The following IL18R1 variants were observed in gnomAD, a reference collection of about 807,000 sequenced individuals.
IL18R1 encodes interleukin-18 receptor 1.
IL18R1 carries 40 observed loss-of-function variants against 48.5 expected under a neutral mutation model. That is an observed-to-expected ratio of 0.82 (90% CI 0.64 to 1.07). The LOEUF is 1.07. Among genes scored for constraint, IL18R1 ranks in the 50% least tolerant of loss-of-function variants. The pLI, the probability that IL18R1 is intolerant of heterozygous loss-of-function variation, is 0.00. For missense variants in IL18R1, 596 were observed against 633.7 expected (o/e 0.94, Z 0.64); for synonymous variants, 232 against 225.9 (o/e 1.03, Z -0.24).
At chr2:102,384,776 C>A in intron 6 of IL18R1, 102 bp from the exon 7 acceptor site, 1 of 1,290,358 alleles carries the variant, frequency 7.7e-7, no homozygotes, top group South Asian at 1.4e-5. Context: ...GGATGGAGCA[C>A]CACGTTTTGC....
chr2:102,368,909 C>T (rs532993232), intron 3 of IL18R1, among the ~76,000 whole-genome samples: 2 of 152,214 alleles, frequency 1.3e-5, no homozygotes, highest in East Asian at 3.9e-4. Context: ...CATTATCAAC[C>T]ATGCTGTTGA....
chr2:102,381,955 A>ACT (rs1286794585), intron 6 of IL18R1, among the ~76,000 whole-genome samples: 4 of 151,752 alleles, frequency 2.6e-5, no homozygotes, highest in African/African-American at 9.7e-5. Flanking sequence ...CTTGTCTTTA[A>ACT]CTCTCTCTAT....
rs1422432936 is a variant in IL18R1 at position 102,397,775 on chromosome 2, T to C, written c.*889T>C. The C allele has an allele frequency of 1.3e-5, 2 of 152,350 alleles. No homozygotes were observed. Among genetic ancestry groups the C allele is most frequent in the African/African-American group, 4.8e-5 (2 of 41,454 alleles). 9.4% of individuals were successfully genotyped at this position (152,350 alleles called of 1,614,324 possible). On this transcript the variant is annotated 3_prime_UTR_variant, in exon 11 of 11. Coordinates refer to ENST00000233957, the MANE Select transcript of IL18R1 (RefSeq NM_003855.5). ...GCCCTTGGCATAAGGCAGCATGGTG[T>C]GGCAGTTAAGAGATGGGCTGTGCAG...
chr2:102,377,231 G>A (rs1036728680), intron 5 of IL18R1, among the ~76,000 whole-genome samples: 1 of 152,236 alleles, frequency 6.6e-6, no homozygotes, highest in African/African-American at 2.4e-5. Context: ...CCCAAGTTTA[G>A]TGTCTTCGGT....
chr2:102,365,894 G>A (rs187613652), intron 2 of IL18R1, among the ~76,000 whole-genome samples: 2 of 152,268 alleles, frequency 1.3e-5, no homozygotes, highest in East Asian at 3.9e-4. Flanking sequence ...ATGGCTGGAG[G>A]GGTAGGATGC....
At chr2:102,362,774 CA>C in intron 2 of IL18R1, 56 bp downstream of exon 2, 1 of 1,144,968 alleles carries the variant, frequency 8.7e-7, no homozygotes, top group Admixed American at 2.4e-5. Context: ...GGAAGAATGT[CA>C]AAGTTTTTTT....
At chr2:102,368,807 A>G (rs541330402) in intron 3 of IL18R1, among the ~76,000 whole-genome samples, 1 of 152,156 alleles carries the variant, frequency 6.6e-6, no homozygotes, top group African/African-American at 2.4e-5. Flanking sequence ...ACTGACCTGT[A>G]AGAAATAGCT....
intron 3 of IL18R1, 62 bp from the exon 4 acceptor site, chr2:102,371,891 A>C (rs747285402): frequency 2.3e-6 from 2 of 885,104 alleles, no homozygotes; most frequent in Admixed American, 5.9e-5. Context: ...TAAAGGGAAG[A>C]TGGGTGATAT....
At chr2:102,394,693 C>T (rs1559636065) in intron 10 of IL18R1, 66 bp downstream of exon 10, 2 of 1,379,442 alleles carry the variant, frequency 1.4e-6, no homozygotes, top group Non-Finnish European at 2.0e-6. Context: ...AATGAGCTAG[C>T]CCCCAGAGAG....
intron 9 of IL18R1, 76 bp downstream of exon 9, chr2:102,390,293 CT>C: frequency 7.7e-7 from 1 of 1,301,418 alleles, no homozygotes; most frequent in Non-Finnish European, 1.1e-6. Context: ...TAATCTTCAT[CT>C]TATTGTGATG....
chr2:102,386,814 A>G, intron 7 of IL18R1, 47 bp from the exon 8 acceptor site: 1 of 1,597,584 alleles, frequency 6.3e-7, no homozygotes, highest in African/African-American at 1.3e-5. Flanking sequence ...TCCCCTCTCA[A>G]GGGTAACGAA....
At chr2:102,367,307 T>C (rs1678963311) in intron 2 of IL18R1, among the ~76,000 whole-genome samples, 1 of 152,178 alleles carries the variant, frequency 6.6e-6, no homozygotes, top group African/African-American at 2.4e-5. Context: ...AGGCACACTT[T>C]TAACCATCCC....
intron 5 of IL18R1, among the ~76,000 whole-genome samples, chr2:102,377,067 T>C (rs1275452137): frequency 6.6e-6 from 1 of 152,238 alleles, no homozygotes; most frequent in Non-Finnish European, 1.5e-5. Context: ...CCCATCATCC[T>C]GAGAAACTGG....
intron 5 of IL18R1, among the ~76,000 whole-genome samples, chr2:102,381,290 G>A (rs749077276): frequency 6.6e-6 from 1 of 152,178 alleles, no homozygotes; most frequent in South Asian, 2.1e-4. Flanking sequence ...GGAGAGAATC[G>A]AGACAGGGCA....
intron 4 of IL18R1, among the ~76,000 whole-genome samples, chr2:102,375,480 C>T (rs1679520872): frequency 6.6e-6 from 1 of 152,074 alleles, no homozygotes; most frequent in African/African-American, 2.4e-5. Context: ...CACTATCCAC[C>T]CCTTGGATGC....
At chr2:102,382,553 T>C (rs1197844048) in intron 6 of IL18R1, among the ~76,000 whole-genome samples, 1 of 152,202 alleles carries the variant, frequency 6.6e-6, no homozygotes, top group South Asian at 2.1e-4. Flanking sequence ...CATTGAAATA[T>C]ATTGTTGAAT....
Position 102,368,024 on chromosome 2 carries a change from G to T in IL18R1, c.258G>T (p.Trp86Cys). 6.2e-7 allele frequency: 1 copy of T among 1,614,178 alleles called. No individual in the cohort carries two copies. The highest frequency in any genetic ancestry group is 8.5e-7 in the Non-Finnish European group (1 of 1,180,040). ...TGCATGATTGTGTTTTGGAGTTTTG[G>T]CCAGTTGAGTTGAATGACACAGGAT... ...IALHDCVLEF[W>C]PVELNDTGSY... The change falls in exon 3 of 11, where the codon TGG becomes TGT. Residue 86 changes from tryptophan to cysteine, a missense_variant. Physicochemically the swap from Trp to Cys is radical, Grantham distance 215 (BLOSUM62 -2). Around this residue, in one of 3 missense-constraint regions of IL18R1, gnomAD observed 360 missense variants for 339.4 expected, o/e 1.06. Coordinates refer to ENST00000233957, the MANE Select transcript of IL18R1 (RefSeq NM_003855.5).
intron 1 of IL18R1, among the ~76,000 whole-genome samples, chr2:102,359,861 T>C (rs773671060): frequency 2.0e-5 from 3 of 152,210 alleles, no homozygotes; most frequent in Admixed American, 6.5e-5. Context: ...ATAGCTAACA[T>C]TTAAGCGGTA....
At chr2:102,384,809 A>C in intron 6 of IL18R1, 69 bp from the exon 7 acceptor site, 1 of 1,565,824 alleles carries the variant, frequency 6.4e-7, no homozygotes, top group Non-Finnish European at 8.7e-7. Context: ...TACATTGATT[A>C]TATTGTTTTG....
Sources: gnomAD v4.1 joint callset for allele counts (sites outside exome capture counted in the v4.1 genomes callset) on GRCh38, gnomAD v4.1.1 for gene constraint, gnomAD v4.1.1 regional missense constraint, MANE v1.5 for transcripts, NCBI Gene and HGNC (gene_info 2026-07-23, HGNC 2026-07-21) for gene names.